WASF3: variants seen among roughly 807,000 people sequenced by gnomAD.
WASF3 encodes the protein WASP family member 3, also known as actin-binding protein WASF3.
WASF3 carries 11 observed loss-of-function variants against 46.6 expected under a neutral mutation model. The observed-to-expected ratio is 0.24, with a 90% CI of 0.15 to 0.39. The LOEUF is 0.39. WASF3 is among the 10% of genes least tolerant of loss of function. The pLI is 1.00. For missense variants in WASF3, 576 were observed against 669.8 expected (o/e 0.86, Z 1.55); for synonymous variants, 242 against 259.7 (o/e 0.93, Z 0.65).
intron 4 of WASF3, among the ~76,000 whole-genome samples, chr13:26,666,759 C>T (rs551966342): frequency 3.4e-5 from 5 of 148,632 alleles, no homozygotes; most frequent in African/African-American, 1.2e-4. Flanking sequence ...ATTAGCCGGT[C>T]GTGGTGGCGG....
At chr13:26,649,300 A>G (rs1010518033) in intron 3 of WASF3, among the ~76,000 whole-genome samples, 1 of 152,194 alleles carries the variant, frequency 6.6e-6, no homozygotes, top group Admixed American at 6.5e-5. Context: ...AAAATATGTG[A>G]CCTGTGATCA....
In WASF3 at chr13:26,599,270, C is replaced by T. The variant is rs147885281; in HGVS notation, c.-108-13691C>T. ...TGATCTCGACTCACAGCAACCTCTG[C>T]CTCCTGAGTTCAAGCAGTTCTCCTG... is the stretch of plus-strand genomic sequence containing the variant. On this transcript the variant is annotated intron_variant, in intron 1 of 9. Transcript: ENST00000335327. 4.6e-3 allele frequency among the ~76,000 whole-genome samples: 687 copies of T among 149,864 alleles called. 2 individuals carry two copies. The highest frequency in any genetic ancestry group is 0.01 in the Middle Eastern group (3 of 288).
At chr13:26,608,450 CTAACGTTA>C in intron 1 of WASF3, among the ~76,000 whole-genome samples, 3 of 152,158 alleles carry the variant, frequency 2.0e-5, no homozygotes, top group Admixed American at 2.0e-4. Context: ...TGAATGTCAG[CTAACGTTA>C]TTTTTGTTTT....
chr13:26,594,305 C>T (rs1330407952), intron 1 of WASF3, among the ~76,000 whole-genome samples: 1 of 152,116 alleles, frequency 6.6e-6, no homozygotes, highest in Non-Finnish European at 1.5e-5. Context: ...TCTGGTGGTT[C>T]CCCCGGTACC....
At chr13:26,656,554 T>G (rs1224535958) in intron 3 of WASF3, among the ~76,000 whole-genome samples, 1 of 151,990 alleles carries the variant, frequency 6.6e-6, no homozygotes, top group Non-Finnish European at 1.5e-5. Flanking sequence ...ATAACAAAAT[T>G]GTTTTTCCCC....
At position 26,687,213 on chromosome 13, in the gene WASF3, A is replaced by G. The variant is rs1883434200; in HGVS notation, c.*1368A>G. The G allele has an allele frequency of 6.6e-6, 1 of 152,222 alleles. No homozygotes were observed. 9.4% of individuals were successfully genotyped at this position (152,222 alleles called of 1,614,324 possible). A position where few individuals can be genotyped will look rare whatever the true frequency, so the allele number is the denominator to read the frequency against. The stretch of plus-strand genomic sequence containing the variant: ...GGTGCTCCAGGCTTTGATTATAGAT[A>G]CGACTTCAAAAATATGCTAAGACGC... On this transcript the variant is annotated 3_prime_UTR_variant, in exon 10 of 10. Transcript: ENST00000335327.
At chr13:26,660,643 A>C (rs1882602969) in intron 3 of WASF3, among the ~76,000 whole-genome samples, 1 of 151,620 alleles carries the variant, frequency 6.6e-6, no homozygotes, top group Admixed American at 6.6e-5. Context: ...GGAGCAGGGG[A>C]AGAGGGAGGG....
intron 1 of WASF3, among the ~76,000 whole-genome samples, chr13:26,599,656 T>C (rs1371505362): frequency 3.9e-5 from 6 of 152,228 alleles, no homozygotes; most frequent in Non-Finnish European, 7.3e-5. Flanking sequence ...TGGTATCTTC[T>C]TACCCTTATC....
chr13:26,609,168 A>C (rs141453193), intron 1 of WASF3, among the ~76,000 whole-genome samples: 17 of 152,354 alleles, frequency 1.1e-4, no homozygotes, highest in Non-Finnish European at 2.1e-4. Flanking sequence ...AAGTGTTTTC[A>C]TGTAGCAGAA....
At chr13:26,665,539 C>T (rs1882744645) in intron 4 of WASF3, among the ~76,000 whole-genome samples, 2 of 152,212 alleles carry the variant, frequency 1.3e-5, no homozygotes, top group Admixed American at 1.3e-4. Flanking sequence ...CAGTGTTACA[C>T]ATACCTTGTG....
intron 2 of WASF3, among the ~76,000 whole-genome samples, chr13:26,633,200 C>CTTTTCTT (rs1555252680): frequency 2.2e-5 from 2 of 90,420 alleles, no homozygotes; most frequent in African/African-American, 4.1e-5. Context: ...TTAGTTATTT[C>CTTTTCTT]TTTTTTTTTT....
chr13:26,608,180 C>T (rs969159832), intron 1 of WASF3, among the ~76,000 whole-genome samples: 15 of 152,114 alleles, frequency 9.9e-5, no homozygotes, highest in African/African-American at 3.1e-4. Context: ...ATGGGCCACT[C>T]ATGGATCTTT....
At chr13:26,578,847 TAACAA>T (rs1197309600) in intron 1 of WASF3, among the ~76,000 whole-genome samples, 1 of 152,136 alleles carries the variant, frequency 6.6e-6, no homozygotes, top group Admixed American at 6.5e-5. Flanking sequence ...ATCTTTTCTT[TAACAA>T]ATCAACAGTC....
chr13:26,548,593 G>A, the WASF3 span, among the ~76,000 whole-genome samples: 13 of 152,266 alleles, frequency 8.5e-5, no homozygotes, highest in Admixed American at 5.2e-4. Flanking sequence ...CCCAACCCAA[G>A]GCCGTAACAC....
chr13:26,622,481 T>C (rs1350061538), intron 2 of WASF3: 1 of 152,228 alleles, frequency 6.6e-6, no homozygotes, highest in Non-Finnish European at 1.5e-5. Flanking sequence ...TTACAGTGTA[T>C]TCTATGCATG....
At chr13:26,576,789 G>A in intron 1 of WASF3, 1 of 375,518 alleles carries the variant, frequency 2.7e-6, no homozygotes, top group Non-Finnish European at 4.8e-6. Flanking sequence ...GTTCACAGAG[G>A]TTCTATGTAT....
chr13:26,551,579 G>T, the WASF3 span, among the ~76,000 whole-genome samples: 2 of 152,166 alleles, frequency 1.3e-5, no homozygotes, highest in African/African-American at 4.8e-5. Flanking sequence ...AATTAACCGT[G>T]GCAATAAAGC....
intron 2 of WASF3, among the ~76,000 whole-genome samples, chr13:26,617,617 G>T (rs949943160): frequency 1.3e-5 from 2 of 152,014 alleles, no homozygotes; most frequent in Non-Finnish European, 2.9e-5. Flanking sequence ...AAATATTAGT[G>T]CCTGTTTCTT....
intron 2 of WASF3, among the ~76,000 whole-genome samples, chr13:26,621,421 AAG>A (rs1443072464): frequency 6.6e-6 from 1 of 152,224 alleles, no homozygotes; most frequent in Non-Finnish European, 1.5e-5. Flanking sequence ...GAGGGAACCC[AAG>A]AGAGCAAATC....
Sources: allele counts gnomAD v4.1 joint callset (sites outside exome capture counted in the v4.1 genomes callset), GRCh38; gene constraint gnomAD v4.1.1; transcripts MANE v1.5; gene names NCBI Gene and HGNC (gene_info 2026-07-23, HGNC 2026-07-21).